The following GPR158 variants were observed in gnomAD, a reference collection of about 807,000 sequenced individuals.
GPR158 encodes the protein G protein-coupled receptor 158.
GPR158 carries 30 observed loss-of-function variants against 78.2 expected under a neutral mutation model. That is an observed-to-expected ratio of 0.38 (90% CI 0.29 to 0.52). GPR158 has a LOEUF of 0.52. GPR158 is among the 20% of genes least tolerant of loss of function. The probability of loss-of-function intolerance (pLI) is 0.83; values close to 1 mark genes in which losing one functional copy is unlikely to be tolerated. For synonymous variants in GPR158, 581 were observed against 591.1 expected (o/e 0.98, Z 0.25); for missense variants, 1,463 against 1,523.5 (o/e 0.96, Z 0.66).
At chr10:25,317,726 G>GTATTTTTTTTTTTTTTTTTTTTT (rs1854878326) in intron 2 of GPR158, among the ~76,000 whole-genome samples, 1 of 140,140 alleles carries the variant, frequency 7.1e-6, no homozygotes, top group African/African-American at 2.9e-5. Context: ...GTTTTTTTTT[G>GTATTTTTTTTTTTTTTTTTTTTT]TTTTGTTTTG....
At chr10:25,406,687 T>C (rs1296235672) in intron 3 of GPR158, among the ~76,000 whole-genome samples, 3 of 152,214 alleles carry the variant, frequency 2.0e-5, no homozygotes, top group Admixed American at 6.5e-5. Context: ...ATTTAATTAG[T>C]TATAATTTGT....
rs1185278686 is a variant in GPR158 at position 25,440,832 on chromosome 10, A to G, written c.1336-25819A>G. ...ATACTGCTGAGGGCTCTTAAGGGGT[A>G]TATGTTATTTTCTCTTTCAGAATAT... On this transcript the variant is annotated intron_variant, in intron 4 of 10. Transcript: ENST00000376351. Among the ~76,000 whole-genome samples the G allele has an allele frequency of 2.6e-5, 4 of 152,186 alleles. No homozygotes were observed. In the East Asian group the frequency reaches 7.7e-4, roughly 29 times the overall value.
intron 2 of GPR158, among the ~76,000 whole-genome samples, chr10:25,337,117 A>G (rs1432962033): frequency 6.6e-6 from 1 of 152,098 alleles, no homozygotes; most frequent in African/African-American, 2.4e-5. Context: ...AAATAGAACC[A>G]CTTCATACAG....
chr10:25,456,609 C>T (rs1331800660), intron 4 of GPR158, among the ~76,000 whole-genome samples: 1 of 152,090 alleles, frequency 6.6e-6, no homozygotes, highest in East Asian at 1.9e-4. Flanking sequence ...CAGTTCTTGA[C>T]ATTTCAAATT....
chr10:25,484,229 C>T (rs375008155), intron 5 of GPR158, among the ~76,000 whole-genome samples: 1 of 152,174 alleles, frequency 6.6e-6, no homozygotes, highest in African/African-American at 2.4e-5. Context: ...TTGGCATTGT[C>T]TGCTTCCTCT....
intron 4 of GPR158, among the ~76,000 whole-genome samples, chr10:25,455,709 A>G (rs1328664316): frequency 1.3e-5 from 2 of 152,194 alleles, no homozygotes; most frequent in African/African-American, 2.4e-5. Flanking sequence ...GATAGAATAT[A>G]TGAGACTCTA....
intron 7 of GPR158, among the ~76,000 whole-genome samples, chr10:25,581,300 C>G (rs186841569): frequency 6.6e-6 from 1 of 152,156 alleles, no homozygotes; most frequent in East Asian, 1.9e-4. Flanking sequence ...AACTCCTGGC[C>G]TCAAACAATC....
chr10:25,431,281 G>C (rs971752932), intron 4 of GPR158, among the ~76,000 whole-genome samples: 2 of 136,240 alleles, frequency 1.5e-5, no homozygotes, highest in Admixed American at 7.4e-5. Context: ...CTGGCCATCA[G>C]AGAAATGCAA....
chr10:25,572,990 A>C, intron 7 of GPR158, 103 bp downstream of exon 7: 1 of 733,712 alleles, frequency 1.4e-6, no homozygotes, highest in South Asian at 1.6e-5. Context: ...AGCCTAAACT[A>C]ATCTCACCTA....
intron 6 of GPR158, among the ~76,000 whole-genome samples, chr10:25,571,193 T>G (rs1299409687): frequency 6.6e-6 from 1 of 152,194 alleles, no homozygotes; most frequent in African/African-American, 2.4e-5. Context: ...TCTGGGGAAC[T>G]GATGAGATGG....
intron 2 of GPR158, among the ~76,000 whole-genome samples, chr10:25,322,626 G>T (rs936546553): frequency 6.6e-6 from 1 of 152,178 alleles, no homozygotes; most frequent in Non-Finnish European, 1.5e-5. Context: ...AGATTCATAA[G>T]AGGAATCATT....
intron 2 of GPR158, among the ~76,000 whole-genome samples, chr10:25,358,555 C>T (rs1255988766): frequency 6.6e-6 from 1 of 152,018 alleles, no homozygotes; most frequent in Non-Finnish European, 1.5e-5. Context: ...AGTTTCTCTG[C>T]ACAAGCTCTT....
chr10:25,545,266 C>G (rs1454446654), intron 5 of GPR158, among the ~76,000 whole-genome samples: 1 of 152,260 alleles, frequency 6.6e-6, no homozygotes, highest in Admixed American at 6.5e-5. Flanking sequence ...GTTCTAGATC[C>G]TTGAGGAATC....
intron 2 of GPR158, among the ~76,000 whole-genome samples, chr10:25,232,252 T>C (rs72792069): frequency 4.6e-5 from 7 of 152,254 alleles, no homozygotes; most frequent in Non-Finnish European, 7.4e-5. Context: ...TGAGGGTGAC[T>C]TTTTGGGGGT....
intron 2 of GPR158, among the ~76,000 whole-genome samples, chr10:25,274,518 A>T (rs1854157747): frequency 6.6e-6 from 1 of 152,204 alleles, no homozygotes; most frequent in African/African-American, 2.4e-5. Context: ...AAACAACTTA[A>T]TCCTCAGTGC....
intron 5 of GPR158, among the ~76,000 whole-genome samples, chr10:25,477,683 G>A (rs1046532812): frequency 6.6e-6 from 1 of 152,032 alleles, no homozygotes; most frequent in Admixed American, 6.6e-5. Flanking sequence ...AAAAAAAAAC[G>A]AAATTGGAAA....
intron 2 of GPR158, among the ~76,000 whole-genome samples, chr10:25,371,582 C>T (rs2130550213): frequency 6.8e-6 from 1 of 146,120 alleles, no homozygotes; most frequent in African/African-American, 2.5e-5. Flanking sequence ...CTTTGACAAA[C>T]CTGAGAAAAA....
intron 3 of GPR158, among the ~76,000 whole-genome samples, chr10:25,409,558 C>A (rs1564447340): frequency 6.6e-6 from 1 of 152,098 alleles, no homozygotes. Context: ...CAACTGATTC[C>A]TTCTTTCTGC....
At chr10:25,568,024 AAAATC>A (rs1380411617) in intron 6 of GPR158, among the ~76,000 whole-genome samples, 1 of 152,204 alleles carries the variant, frequency 6.6e-6, no homozygotes, top group East Asian at 1.9e-4. Context: ...ATAAGGGAGA[AAAATC>A]AAAGTTTATT....
Sources: gnomAD v4.1 joint callset for allele counts (sites outside exome capture counted in the v4.1 genomes callset) on GRCh38, gnomAD v4.1.1 for gene constraint, MANE v1.5 for transcripts, NCBI Gene and HGNC (gene_info 2026-07-23, HGNC 2026-07-21) for gene names.